DYM: variants seen among roughly 807,000 people sequenced by gnomAD.
DYM encodes dymeclin.
In DYM, 78 loss-of-function variants were observed where a neutral mutation model predicts 93.1. The observed-to-expected ratio is 0.84, with a 90% confidence interval of 0.70 to 1.01. DYM has a LOEUF of 1.01. DYM is among the 50% of genes least tolerant of loss of function. The pLI is 0.00. For synonymous variants in DYM, 321 were observed against 319.7 expected (o/e 1.00, Z -0.04); for missense variants, 789 against 845.0 (o/e 0.93, Z 0.82).
At chr18:49,166,614 A>AT (rs771641740) in intron 14 of DYM, among the ~76,000 whole-genome samples, 1 of 151,996 alleles carries the variant, frequency 6.6e-6, no homozygotes, top group Non-Finnish European at 1.5e-5. Context: ...AAAAAAAAAA[A>AT]GGTAAAAAAA....
intron 3 of DYM, among the ~76,000 whole-genome samples, chr18:49,387,971 C>A (rs564742543): frequency 2.6e-5 from 4 of 152,308 alleles, no homozygotes; most frequent in Non-Finnish European, 5.9e-5. Context: ...CATAAATCTA[C>A]AGCTATTCTA....
At chr18:49,252,421 T>C (rs1252699111) in intron 13 of DYM, among the ~76,000 whole-genome samples, 1 of 151,804 alleles carries the variant, frequency 6.6e-6, no homozygotes, top group Admixed American at 6.6e-5. Context: ...GAGCCCCTTG[T>C]AAAACCATCA....
chr18:49,234,808 G>T (rs1297139459), intron 13 of DYM, among the ~76,000 whole-genome samples: 1 of 152,208 alleles, frequency 6.6e-6, no homozygotes, highest in East Asian at 1.9e-4. Flanking sequence ...TAAAAGCAGA[G>T]AACTTTATCT....
At chr18:49,109,911 A>T (rs2081234981) in intron 16 of DYM, among the ~76,000 whole-genome samples, 1 of 152,200 alleles carries the variant, frequency 6.6e-6, no homozygotes, top group South Asian at 2.1e-4. Flanking sequence ...TCAACTTCCA[A>T]TTCTTCCCTC....
intron 1 of DYM, among the ~76,000 whole-genome samples, chr18:49,445,140 T>C (rs964511412): frequency 7.2e-5 from 11 of 152,358 alleles, no homozygotes; most frequent in African/African-American, 2.6e-4. Context: ...TCTCTTGTTA[T>C]GTAAGTACTT....
chr18:49,367,400 C>A (rs1285734557), intron 5 of DYM, among the ~76,000 whole-genome samples: 7 of 151,946 alleles, frequency 4.6e-5, no homozygotes, highest in Non-Finnish European at 8.8e-5. Context: ...TAATCTATAC[C>A]CAAAATTAAG....
chr18:49,391,459 T>C (rs2069244732), intron 3 of DYM, 134 bp downstream of exon 3: 7 of 907,716 alleles, frequency 7.7e-6, no homozygotes, highest in Non-Finnish European at 1.2e-5. Flanking sequence ...CATCTGTGAA[T>C]GCCACAAATA....
intron 11 of DYM, among the ~76,000 whole-genome samples, chr18:49,270,484 T>C (rs1047221508): frequency 6.6e-6 from 1 of 152,138 alleles, no homozygotes; most frequent in Non-Finnish European, 1.5e-5. Flanking sequence ...TGGCATGAAG[T>C]CTAGAGATCT....
intron 11 of DYM, among the ~76,000 whole-genome samples, chr18:49,270,932 A>G (rs1193709751): frequency 6.6e-6 from 1 of 152,154 alleles, no homozygotes; most frequent in Non-Finnish European, 1.5e-5. Context: ...AACCCCTAGC[A>G]AGGAGACTGG....
At chr18:49,237,545 C>T (rs1422659624) in intron 13 of DYM, among the ~76,000 whole-genome samples, 1 of 152,074 alleles carries the variant, frequency 6.6e-6, no homozygotes, top group Non-Finnish European at 1.5e-5. Flanking sequence ...TTGTAATCAG[C>T]TTATGTTACT....
At chr18:49,258,843 G>C (rs1448898555) in intron 11 of DYM, among the ~76,000 whole-genome samples, 145 of 39,254 alleles carry the variant, frequency 3.7e-3, no homozygotes, top group East Asian at 0.028. Context: ...CACACACAGA[G>C]AGAGAGAGAG....
chr18:49,152,773 A>G (rs567081077), intron 15 of DYM, among the ~76,000 whole-genome samples: 2 of 152,344 alleles, frequency 1.3e-5, no homozygotes, highest in South Asian at 2.1e-4. Flanking sequence ...CATATCCACA[A>G]TGGAATATCA....
chr18:49,395,666 A>G (rs2069977711), intron 2 of DYM, among the ~76,000 whole-genome samples: 1 of 152,190 alleles, frequency 6.6e-6, no homozygotes, highest in African/African-American at 2.4e-5. Context: ...GGCAATAGGT[A>G]TATGAAAAAT....
chr18:49,133,611 T>G (rs1410263192), intron 15 of DYM, among the ~76,000 whole-genome samples: 3 of 152,172 alleles, frequency 2.0e-5, no homozygotes, highest in Non-Finnish European at 4.4e-5. Flanking sequence ...AAGCTTGGAG[T>G]CTGTGCCTGC....
At chr18:49,285,191 T>C (rs2095092781) in intron 9 of DYM, among the ~76,000 whole-genome samples, 1 of 152,218 alleles carries the variant, frequency 6.6e-6, no homozygotes, top group African/African-American at 2.4e-5. Flanking sequence ...TCAGGTATTT[T>C]GTTAGAGCAG....
intron 5 of DYM, among the ~76,000 whole-genome samples, chr18:49,377,835 T>C (rs1031068496): frequency 6.6e-6 from 1 of 152,150 alleles, no homozygotes; most frequent in Non-Finnish European, 1.5e-5. Flanking sequence ...CACACAGACC[T>C]CCATTAAAAG....
rs1402767087 is a variant in DYM at position 49,163,697 on chromosome 18, A to G, written c.1716T>C (p.Pro572=). The change falls in exon 15 of 18, where the codon CCT becomes CCC. Residue 572 remains proline (P), a synonymous_variant. Coordinates refer to ENST00000675505, the MANE Select transcript of DYM (RefSeq NM_001353214.3). ...LRGSLSSNDV[P]LPDYAQDLNV... is the part of the protein sequence containing the mutation. ...GGTAACTACTTACATAATCTGGTAG[A>G]GGAACATCATTAGAACTCAGCGAAC... The G allele has an allele frequency of 6.2e-7, 1 of 1,610,824 alleles. No individual in the cohort carries two copies. The highest frequency in any genetic ancestry group is 8.5e-7 in the Non-Finnish European group (1 of 1,177,854).
At chr18:49,167,218 A>C (rs1430002283) in intron 14 of DYM, among the ~76,000 whole-genome samples, 1 of 152,108 alleles carries the variant, frequency 6.6e-6, no homozygotes, top group East Asian at 1.9e-4. Context: ...AGAGAGTATG[A>C]ACACTCTGTT....
chr18:49,082,220 C>T (rs1287576439), intron 17 of DYM, among the ~76,000 whole-genome samples: 2 of 152,270 alleles, frequency 1.3e-5, no homozygotes, highest in Non-Finnish European at 2.9e-5. Flanking sequence ...TACTTGGTCC[C>T]AGGCTAAAAG....
Sources: allele counts gnomAD v4.1 joint callset (sites outside exome capture counted in the v4.1 genomes callset), GRCh38; gene constraint gnomAD v4.1.1; transcripts MANE v1.5; gene names NCBI Gene and HGNC (gene_info 2026-07-23, HGNC 2026-07-21).